SLIT2: variants seen among roughly 807,000 people sequenced by gnomAD.
SLIT2 encodes the protein slit homolog 2 protein.
Under a neutral mutation model 185.7 loss-of-function variants are expected in SLIT2, and 41 were observed. The ratio of observed to expected loss-of-function variants is 0.22; its 90% CI spans 0.17 to 0.29. The LOEUF (loss-of-function observed/expected upper bound fraction) is 0.29, where lower values mean the gene tolerates loss of function less well. Ranked by LOEUF, SLIT2 falls within the 10% of genes least tolerant of loss-of-function variation. The pLI is 1.00. For synonymous variants in SLIT2, 693 were observed against 680.2 expected (o/e 1.02, Z -0.29); for missense variants, 1,571 against 1,909.0 (o/e 0.82, Z 3.30).
intron 12 of SLIT2, among the ~76,000 whole-genome samples, chr4:20,523,206 G>C (rs1720986342): frequency 6.6e-6 from 1 of 152,172 alleles, no homozygotes; most frequent in Non-Finnish European, 1.5e-5. Context: ...GCCAGGAGGA[G>C]AGAACTGGGA....
intron 26 of SLIT2, among the ~76,000 whole-genome samples, chr4:20,558,995 G>A (rs1355325419): frequency 1.3e-5 from 2 of 151,864 alleles, no homozygotes; most frequent in Non-Finnish European, 2.9e-5. Context: ...GAACTCAGAG[G>A]GATAATTTGT....
At chr4:20,268,740 C>A in intron 3 of SLIT2, 70 bp from the exon 4 acceptor site, 1 of 957,200 alleles carries the variant, frequency 1.0e-6, no homozygotes, top group South Asian at 1.3e-5. Context: ...AGGCATGACA[C>A]TACCAAATCA....
At chr4:20,297,590 C>G (rs1716610682) in intron 4 of SLIT2, among the ~76,000 whole-genome samples, 1 of 152,068 alleles carries the variant, frequency 6.6e-6, no homozygotes, top group South Asian at 2.1e-4. Context: ...AAATGTCAAT[C>G]TAATAAATAG....
intron 17 of SLIT2, 112 bp downstream of exon 17, chr4:20,532,170 A>G (rs187960266): frequency 1.0e-4 from 64 of 626,186 alleles, no homozygotes; most frequent in African/African-American, 9.8e-4. Context: ...AAATTTCCCT[A>G]TGATGATGAC....
chr4:20,272,053 G>A, intron 4 of SLIT2, among the ~76,000 whole-genome samples: 1 of 152,078 alleles, frequency 6.6e-6, no homozygotes, highest in East Asian at 1.9e-4. Context: ...AGGTCAAGAT[G>A]TTTGCTCAGA....
chr4:20,558,361 C>T (rs1240749035), intron 26 of SLIT2, among the ~76,000 whole-genome samples: 1 of 152,012 alleles, frequency 6.6e-6, no homozygotes, highest in East Asian at 1.9e-4. Context: ...GTCTCACCAG[C>T]CACTAACTCC....
At chr4:20,328,862 A>G (rs1719817387) in intron 4 of SLIT2, among the ~76,000 whole-genome samples, 1 of 152,076 alleles carries the variant, frequency 6.6e-6, no homozygotes, top group South Asian at 2.1e-4. Context: ...ATGTTCCAAA[A>G]TAAATGTGTG....
In SLIT2 at chr4:20,526,940, T is replaced by C. The variant is rs577691841; in HGVS notation, c.1462+1768T>C. Among the ~76,000 whole-genome samples the C allele has an allele frequency of 3.9e-5, 6 of 152,376 alleles. No homozygotes were observed. In the South Asian group the frequency reaches 1.2e-3, roughly 32 times the overall value. ...TCCAGTGTACCTGTCACTTAGACTTTGTGCACTCTTATTTCATTTTGGAGT... is the reference window on the plus strand; with the variant it reads ...TCCAGTGTACCTGTCACTTAGACTTCGTGCACTCTTATTTCATTTTGGAGT... On this transcript the variant is annotated intron_variant, in intron 15 of 36. Coordinates refer to ENST00000504154, the MANE Select transcript of SLIT2 (RefSeq NM_004787.4).
At chr4:20,392,752 C>G (rs1271499458) in intron 4 of SLIT2, among the ~76,000 whole-genome samples, 1 of 151,814 alleles carries the variant, frequency 6.6e-6, no homozygotes, top group Non-Finnish European at 1.5e-5. Flanking sequence ...TTAGCCTAGC[C>G]CTACACAGGA....
In SLIT2 at chr4:20,492,788, A is replaced by AT. The variant is rs200286301; in HGVS notation, c.914+894dup. Among the ~76,000 whole-genome samples, 1,140 of 152,266 alleles carry AT rather than the reference A, an allele frequency of 7.5e-3. 44 individuals are homozygous for AT. Among genetic ancestry groups the AT allele is most frequent in the Admixed American group, 0.069 (1,062 of 15,284 alleles). ...CGAAAAAGTTGTTTTTAAAGCGCTCATTTTTAACCAATTTATTTAATTATG... is the reference window on the plus strand; with the variant it reads ...CGAAAAAGTTGTTTTTAAAGCGCTCATTTTTTAACCAATTTATTTAATTATG... On this transcript the variant is annotated intron_variant, in intron 9 of 36. Coordinates refer to ENST00000504154, the MANE Select transcript of SLIT2 (RefSeq NM_004787.4).
intron 4 of SLIT2, among the ~76,000 whole-genome samples, chr4:20,297,214 GA>G (rs1317213766): frequency 6.6e-6 from 1 of 152,110 alleles, no homozygotes; most frequent in Non-Finnish European, 1.5e-5. Flanking sequence ...AAAATTGGAT[GA>G]ATGCTGTCAT....
intron 4 of SLIT2, among the ~76,000 whole-genome samples, chr4:20,459,755 G>A (rs1272893257): frequency 6.6e-6 from 1 of 151,834 alleles, no homozygotes; most frequent in Non-Finnish European, 1.5e-5. Context: ...TAATTTCCCT[G>A]GTTATGTCTA....
chr4:20,369,444 CTG>C (rs1363761360), intron 4 of SLIT2, among the ~76,000 whole-genome samples: 1 of 152,130 alleles, frequency 6.6e-6, no homozygotes, highest in Non-Finnish European at 1.5e-5. Flanking sequence ...TTGGCTAAGG[CTG>C]TCAGTTTTCG....
chr4:20,299,111 C>T (rs1343354548), intron 4 of SLIT2, among the ~76,000 whole-genome samples: 1 of 151,992 alleles, frequency 6.6e-6, no homozygotes, highest in Non-Finnish European at 1.5e-5. Flanking sequence ...ATGTTTTCCC[C>T]AATATTTTAT....
At chr4:20,357,830 A>G (rs543296130) in intron 4 of SLIT2, among the ~76,000 whole-genome samples, 11 of 152,260 alleles carry the variant, frequency 7.2e-5, no homozygotes, top group African/African-American at 2.4e-4. Context: ...TAATATTGCT[A>G]CAGACACAAA....
At chr4:20,523,679 G>A (rs1014719871) in intron 12 of SLIT2, 81 bp from the exon 13 acceptor site, 4 of 1,133,410 alleles carry the variant, frequency 3.5e-6, no homozygotes, top group Non-Finnish European at 5.3e-6. Flanking sequence ...TTCTTGACTG[G>A]GTTTCCTTAA....
At chr4:20,482,383 C>A (rs577167180) in intron 6 of SLIT2, among the ~76,000 whole-genome samples, 1 of 151,860 alleles carries the variant, frequency 6.6e-6, no homozygotes, top group South Asian at 2.1e-4. Flanking sequence ...GTATCGAATA[C>A]CTACTGTGTA....
At chr4:20,543,285 C>T (rs1023394613) in intron 21 of SLIT2, among the ~76,000 whole-genome samples, 1 of 152,066 alleles carries the variant, frequency 6.6e-6, no homozygotes, top group Admixed American at 6.6e-5. Flanking sequence ...AATTATATGG[C>T]CAGGATATAC....
At chr4:20,463,818 G>C (rs1193077750) in intron 4 of SLIT2, among the ~76,000 whole-genome samples, 3 of 150,128 alleles carry the variant, frequency 2.0e-5, no homozygotes, top group Non-Finnish European at 4.4e-5. Context: ...GGAGCTTGCA[G>C]TGAGCCGAGA....
Sources: gnomAD v4.1 joint callset for allele counts (sites outside exome capture counted in the v4.1 genomes callset) on GRCh38, gnomAD v4.1.1 for gene constraint, MANE v1.5 for transcripts, NCBI Gene and HGNC (gene_info 2026-07-23, HGNC 2026-07-21) for gene names.